The following IQCH variants were observed in gnomAD, a reference collection of about 807,000 sequenced individuals.
IQCH encodes IQ motif containing H.
Under a neutral mutation model 117.0 loss-of-function variants are expected in IQCH, and 98 were observed. The observed-to-expected ratio is 0.84, with a 90% confidence interval of 0.71 to 0.99. The LOEUF (loss-of-function observed/expected upper bound fraction) is 0.99. IQCH is among the 50% of genes least tolerant of loss of function. The pLI, the probability that IQCH is intolerant of heterozygous loss-of-function variation, is 0.00. For missense variants in IQCH, 1,102 were observed against 1,243.8 expected, an observed-to-expected ratio of 0.89 and a Z score of 1.72; for synonymous variants, 412 against 448.2, an observed-to-expected ratio of 0.92 and a Z score of 1.02.
rs1212636892 is a variant in IQCH at position 67,386,337 on chromosome 15, A to G, written c.1456+1318A>G. 6.6e-6 allele frequency among the ~76,000 whole-genome samples: 1 copy of G among 152,144 alleles called. No homozygotes were observed. Among genetic ancestry groups the G allele is most frequent in the Non-Finnish European group, 1.5e-5 (1 of 68,016 alleles). On this transcript the variant is annotated intron_variant, in intron 11 of 20. Coordinates refer to ENST00000335894, the MANE Select transcript of IQCH (RefSeq NM_001031715.3). The surrounding 1 kb of genome is among the most constrained non-coding windows in gnomAD (Gnocchi z 5.0). Reference sequence around the variant, plus strand: ...TTAGGCTTCTATTTTAAACAACTCAATAATTCAGTCTGTCTCTACCTGCAA... The same window carrying G: ...TTAGGCTTCTATTTTAAACAACTCAGTAATTCAGTCTGTCTCTACCTGCAA...
intron 5 of IQCH, among the ~76,000 whole-genome samples, chr15:67,338,486 C>T (rs1010109991): frequency 1.3e-5 from 2 of 152,006 alleles, no homozygotes; most frequent in African/African-American, 4.8e-5. Context: ...AAGCCACAAG[C>T]CACAGAAATA....
chr15:67,357,949 C>T (rs2002376), intron 7 of IQCH, among the ~76,000 whole-genome samples: 2,225 of 152,008 alleles, frequency 0.015, 54 homozygotes, highest in African/African-American at 0.047. Flanking sequence ...ACCTCTGCCT[C>T]CTGGGTTCAA....
At chr15:67,434,042 G>A (rs1038013769) in intron 16 of IQCH, among the ~76,000 whole-genome samples, 7 of 152,018 alleles carry the variant, frequency 4.6e-5, no homozygotes, top group Non-Finnish European at 1.0e-4. Context: ...CCACAATCAA[G>A]CTAATTAACA....
At position 67,300,621 on chromosome 15, in the gene IQCH, C is replaced by T. The variant is rs997390173; in HGVS notation, c.387+21109C>T. Among the ~76,000 whole-genome samples, 3 of 152,322 alleles carry T rather than the reference C, an allele frequency of 2.0e-5. No homozygotes were observed. The East Asian group carries it at 5.8e-4, about 29-fold the overall frequency. ...TAGAAGACACTACTTGCAGGAAACA[C>T]TGTCGATAATACTGTAACTTAGTAA... On this transcript the variant is annotated intron_variant, in intron 4 of 20. Transcript: ENST00000335894.
At chr15:67,269,017 C>G (rs12443279) in intron 3 of IQCH, among the ~76,000 whole-genome samples, 30,880 of 149,638 alleles carry the variant, frequency 0.21, 3,913 homozygotes, top group East Asian at 0.47. Context: ...ACAAAGTACA[C>G]TTGCTAAAAA....
At chr15:67,307,391 A>G (rs1967354351) in intron 4 of IQCH, among the ~76,000 whole-genome samples, 1 of 151,942 alleles carries the variant, frequency 6.6e-6, no homozygotes, top group Admixed American at 6.6e-5. Context: ...TGTACATAGT[A>G]ATCTCTCTCT....
rs968976652 is a variant in IQCH at position 67,365,964 on chromosome 15, G to T, written c.753+6079G>T. ...AAAAGAATACATATGTAGGTATAGA[G>T]AATATGACAAGGTGGAGCTCTGTAG... On this transcript the variant is annotated intron_variant, in intron 8 of 20. Transcript: ENST00000335894. The surrounding 1 kb of genome is among the most constrained non-coding windows in gnomAD (Gnocchi z 4.4). Among the ~76,000 whole-genome samples the T allele has an allele frequency of 1.3e-5, 2 of 152,096 alleles. No individual in the cohort carries two copies. The highest frequency in any genetic ancestry group is 4.8e-5 in the African/African-American group (2 of 41,404).
chr15:67,323,032 G>T (rs901487727), intron 4 of IQCH, among the ~76,000 whole-genome samples: 2 of 152,048 alleles, frequency 1.3e-5, no homozygotes, highest in African/African-American at 4.8e-5. Context: ...GGGAAGAAAG[G>T]TTCTCAATCT....
At chr15:67,297,844 A>G (rs1392828109) in intron 4 of IQCH, among the ~76,000 whole-genome samples, 2 of 152,184 alleles carry the variant, frequency 1.3e-5, no homozygotes, top group Non-Finnish European at 2.9e-5. Flanking sequence ...ATGGGATCAC[A>G]TCAAGTTAAA....
At chr15:67,361,472 A>C (rs904665838) in intron 8 of IQCH, among the ~76,000 whole-genome samples, 3 of 152,272 alleles carry the variant, frequency 2.0e-5, no homozygotes, top group Non-Finnish European at 4.4e-5. Flanking sequence ...AGCATTAGAA[A>C]TTTTTATAAA....
At position 67,381,197 on chromosome 15, in the gene IQCH, A is replaced by C. The variant is rs1479341898; in HGVS notation, c.1373-3739A>C. On this transcript the variant is annotated intron_variant, in intron 10 of 20. Coordinates refer to ENST00000335894, the MANE Select transcript of IQCH (RefSeq NM_001031715.3). The surrounding 1 kb of genome is among the most constrained non-coding windows in gnomAD (Gnocchi z 5.1). ...GCTAGTTTGCTGGATGCAAAGAGGCAATTAGTGTCATCTGATAGATGTTTA... is the reference window on the plus strand; with the variant it reads ...GCTAGTTTGCTGGATGCAAAGAGGCCATTAGTGTCATCTGATAGATGTTTA... 1.3e-5 allele frequency among the ~76,000 whole-genome samples: 2 copies of C among 152,184 alleles called. No homozygotes were observed. The highest frequency in any genetic ancestry group is 1.3e-4 in the Admixed American group (2 of 15,282).
chr15:67,293,650 A>G (rs1347140178), intron 4 of IQCH, among the ~76,000 whole-genome samples: 1 of 151,644 alleles, frequency 6.6e-6, no homozygotes, highest in Non-Finnish European at 1.5e-5. Flanking sequence ...ACCCATGGAT[A>G]TGGAGGGCCA....
chr15:67,351,204 C>T (rs1252984884), intron 6 of IQCH, among the ~76,000 whole-genome samples: 2 of 152,120 alleles, frequency 1.3e-5, no homozygotes, highest in African/African-American at 2.4e-5. Flanking sequence ...AAGATCTGCA[C>T]GCATTAGGTA....
intron 4 of IQCH, among the ~76,000 whole-genome samples, chr15:67,312,452 A>G (rs938949120): frequency 3.9e-5 from 6 of 152,278 alleles, no homozygotes; most frequent in South Asian, 4.1e-4. Flanking sequence ...AGTGTGGGAC[A>G]AAGTATGCAT....
intron 16 of IQCH, among the ~76,000 whole-genome samples, chr15:67,451,266 C>T (rs1344422686): frequency 6.6e-6 from 1 of 152,114 alleles, no homozygotes; most frequent in Non-Finnish European, 1.5e-5. Flanking sequence ...CTTCTGCTAG[C>T]TTTTGAATGT....
Position 67,494,262 on chromosome 15 carries a change from A to G in IQCH, c.2866A>G (p.Ile956Val), listed in dbSNP as rs1261835909. Residue 956 changes from isoleucine to valine, a missense_variant, in exon 20 of 21, where the codon ATC becomes GTC. Coordinates refer to ENST00000335894, the MANE Select transcript of IQCH (RefSeq NM_001031715.3). The surrounding 1 kb of genome is among the most constrained non-coding windows in gnomAD (Gnocchi z 5.5). Reference sequence around the variant, plus strand: ...TTGTTTGGATATCATTAACAGAACAATCGGCGAGGATCTCCAGGGGGTCCT... The same window carrying G: ...TTGTTTGGATATCATTAACAGAACAGTCGGCGAGGATCTCCAGGGGGTCCT... Reference protein sequence around the residue: ...LKRHKLGMLTIGEDLQGVLMT... With the variant: ...LKRHKLGMLTVGEDLQGVLMT... The G allele has an allele frequency of 1.2e-6, 2 of 1,606,624 alleles. No homozygotes were observed. Among genetic ancestry groups the G allele is most frequent in the East Asian group, 2.2e-5 (1 of 44,630 alleles).
intron 4 of IQCH, among the ~76,000 whole-genome samples, chr15:67,327,174 T>C (rs1380038532): frequency 6.6e-6 from 1 of 152,194 alleles, no homozygotes; most frequent in Non-Finnish European, 1.5e-5. Flanking sequence ...GAAGTGGTTA[T>C]ATTAGAAGTG....
Position 67,372,096 on chromosome 15 carries a change from T to G in IQCH, c.754-15T>G. The stretch of plus-strand genomic sequence containing the variant: ...ATATCTTTCACTTCTAAAATATATT[T>G]CTTTTTTTCCACAGGCCATGAAAGT... On this transcript the variant is annotated splice_polypyrimidine_tract_variant and intron_variant, in intron 8 of 20. Coordinates refer to ENST00000335894, the MANE Select transcript of IQCH (RefSeq NM_001031715.3). 1 of 1,576,178 alleles carries G rather than the reference T, an allele frequency of 6.3e-7. No homozygotes were observed. The highest frequency in any genetic ancestry group is 2.2e-5 in the East Asian group (1 of 44,564).
At chr15:67,397,264 T>C (rs1001654577) in intron 13 of IQCH, among the ~76,000 whole-genome samples, 1 of 152,250 alleles carries the variant, frequency 6.6e-6, no homozygotes, top group African/African-American at 2.4e-5. Context: ...CTATGAAATA[T>C]TTCAGAACCG....
Sources: allele counts gnomAD v4.1 joint callset (sites outside exome capture counted in the v4.1 genomes callset), GRCh38; gene constraint gnomAD v4.1.1; non-coding constraint Gnocchi (gnomAD v3.1); transcripts MANE v1.5; gene names NCBI Gene and HGNC (gene_info 2026-07-23, HGNC 2026-07-21).